Variants in MARK1 observed in about 807,000 individuals in gnomAD.
The protein encoded by MARK1 is serine/threonine-protein kinase MARK1.
MARK1 carries 40 observed loss-of-function variants against 96.3 expected under a neutral mutation model. The observed-to-expected ratio is 0.42, with a 90% CI of 0.32 to 0.54. MARK1 has a LOEUF of 0.54. Ranked by LOEUF, MARK1 falls within the 20% of genes least tolerant of loss-of-function variation. MARK1 has a pLI of 0.16. For missense variants in MARK1, 719 were observed against 984.6 expected (o/e 0.73, Z 3.61); for synonymous variants, 317 against 341.2 (o/e 0.93, Z 0.78).
intron 3 of MARK1, 48 bp downstream of exon 3, chr1:220,581,166 T>C: frequency 3.1e-6 from 2 of 637,626 alleles, no homozygotes; most frequent in Non-Finnish European, 2.4e-6. Context: ...TTATCATTAA[T>C]ATGTGATGTT....
chr1:220,662,523 CT>C lies in MARK1; in HGVS notation c.*358del, dbSNP rs1410896889. On this transcript the variant is annotated 3_prime_UTR_variant, in exon 18 of 18. Coordinates refer to ENST00000366917, the MANE Select transcript of MARK1 (RefSeq NM_018650.5). ...TGCTTTGATTTGAAAATGTTCTTCC[CT>C]GTTATTTACATTCTGGTGGGTTTTT... The C allele has an allele frequency of 9.0e-5, 16 of 177,968 alleles. No individual in the cohort carries two copies. Among genetic ancestry groups the C allele is most frequent in the Non-Finnish European group, 1.6e-4 (13 of 83,844 alleles). 11.0% of individuals were successfully genotyped at this position (177,968 alleles called of 1,614,324 possible).
intron 6 of MARK1, among the ~76,000 whole-genome samples, chr1:220,605,271 A>T (rs1347331749): frequency 6.6e-6 from 1 of 152,156 alleles, no homozygotes; most frequent in Non-Finnish European, 1.5e-5. Flanking sequence ...CTTTATACCA[A>T]AGGTATGCAT....
intron 7 of MARK1, among the ~76,000 whole-genome samples, chr1:220,616,585 C>T (rs146672064): frequency 0.015 from 2,356 of 152,244 alleles, 33 homozygotes; most frequent in Middle Eastern, 0.045. Flanking sequence ...TTGTCCCTTA[C>T]ATAGGACTCT....
rs764702338 is a variant in MARK1, at chr1:220,579,484, G to A, written c.182G>A (p.Arg61His). The change falls in exon 2 of 18, where the codon CGT (arginine) becomes CAT (histidine). Residue 61 changes from arginine (R) to histidine (H), a missense_variant. Arg to His is a conservative substitution (Grantham distance 29). Coordinates refer to ENST00000366917, the MANE Select transcript of MARK1 (RefSeq NM_018650.5). ...GAACAGCCTCACATTGGAAATTACC[G>A]TTTACAAAAAACAATAGGGAAGGGA... ...TDEQPHIGNY[R>H]LQKTIGKGNF... 70 of 1,613,856 alleles carry A rather than the reference G, an allele frequency of 4.3e-5. No homozygotes were observed. Among genetic ancestry groups the A allele is most frequent in the Non-Finnish European group, 5.4e-5 (64 of 1,179,954 alleles).
chr1:220,589,915 T>C (rs1664872664), intron 3 of MARK1, among the ~76,000 whole-genome samples: 1 of 152,214 alleles, frequency 6.6e-6, no homozygotes. Flanking sequence ...ATAATTAACT[T>C]TTTAAAGAAT....
intron 1 of MARK1, among the ~76,000 whole-genome samples, chr1:220,565,118 T>G (rs948291220): frequency 1.3e-5 from 2 of 152,202 alleles, no homozygotes; most frequent in Admixed American, 1.3e-4. Flanking sequence ...TTGCAGTAAA[T>G]TTTTCATTAA....
intron 5 of MARK1, among the ~76,000 whole-genome samples, chr1:220,601,289 T>C (rs571341914): frequency 6.7e-6 from 1 of 148,602 alleles, no homozygotes; most frequent in Non-Finnish European, 1.5e-5. Context: ...ACAGATTGAA[T>C]ATTTTAGTCT....
In MARK1 at chr1:220,600,962, G is replaced by A. The variant is rs941219278; in HGVS notation, c.424+1099G>A. Among the ~76,000 whole-genome samples the A allele has an allele frequency of 7.3e-5, 11 of 150,834 alleles. No individual in the cohort carries two copies. In the South Asian group the frequency reaches 1.5e-3, roughly 20 times the overall value. On this transcript the variant is annotated intron_variant, in intron 5 of 17. Coordinates refer to ENST00000366917, the MANE Select transcript of MARK1 (RefSeq NM_018650.5). Reference sequence around the variant, plus strand: ...GGCTGGAGTGCAGTGGCACGATCTCGGTTCACTGCAAGCTCCGCCTCCCAA... The same window carrying A: ...GGCTGGAGTGCAGTGGCACGATCTCAGTTCACTGCAAGCTCCGCCTCCCAA...
chr1:220,587,197 T>C (rs1214662743), intron 3 of MARK1, among the ~76,000 whole-genome samples: 1 of 152,186 alleles, frequency 6.6e-6, no homozygotes, highest in Non-Finnish European at 1.5e-5. Flanking sequence ...CTTTCTGTAA[T>C]CAGATTTTTT....
chr1:220,554,289 A>G (rs1330872397), intron 1 of MARK1, among the ~76,000 whole-genome samples: 2 of 152,136 alleles, frequency 1.3e-5, no homozygotes, highest in African/African-American at 4.8e-5. Flanking sequence ...GATTTCCTAT[A>G]GAAGGAAAGG....
intron 6 of MARK1, among the ~76,000 whole-genome samples, chr1:220,609,638 T>G (rs1256204900): frequency 6.6e-6 from 1 of 152,234 alleles, no homozygotes; most frequent in African/African-American, 2.4e-5. Flanking sequence ...TGATGCAGTT[T>G]CTTCATAGCA....
At chr1:220,625,929 G>T in intron 9 of MARK1, 1 of 539,486 alleles carries the variant, frequency 1.9e-6, no homozygotes, top group South Asian at 1.4e-5. Context: ...CTGAGGAGAT[G>T]ACCAAGTACC....
intron 4 of MARK1, among the ~76,000 whole-genome samples, chr1:220,598,656 A>G (rs967481440): frequency 2.0e-5 from 3 of 151,874 alleles, no homozygotes; most frequent in Non-Finnish European, 4.4e-5. Context: ...TAATGCATAC[A>G]ATTTTTTTTA....
At chr1:220,586,028 G>T (rs990833345) in intron 3 of MARK1, among the ~76,000 whole-genome samples, 1 of 93,242 alleles carries the variant, frequency 1.1e-5, no homozygotes, top group Non-Finnish European at 2.6e-5. Flanking sequence ...CGTGCGCAGA[G>T]AGAGAGAGTT....
chr1:220,594,835 A>G (rs914426752), intron 3 of MARK1, among the ~76,000 whole-genome samples: 7 of 152,336 alleles, frequency 4.6e-5, no homozygotes, highest in African/African-American at 1.7e-4. Context: ...TGGTGACAAT[A>G]AAAAGATCAA....
At chr1:220,627,094 AGCGACTGTTT>A (rs1319435274) in intron 9 of MARK1, 3 of 521,070 alleles carry the variant, frequency 5.8e-6, no homozygotes, top group Non-Finnish European at 1.2e-5. Flanking sequence ...GAAGATAAAC[AGCGACTGTTT>A]GAGAACCTGA....
At chr1:220,556,365 G>A (rs184341886) in intron 1 of MARK1, among the ~76,000 whole-genome samples, 110 of 151,114 alleles carry the variant, frequency 7.3e-4, no homozygotes, top group African/African-American at 2.6e-3. Flanking sequence ...TATATGTCGA[G>A]TAGAAACCCC....
chr1:220,653,513 A>G (rs1255265643), intron 16 of MARK1, among the ~76,000 whole-genome samples, 161 bp downstream of exon 16: 2 of 152,182 alleles, frequency 1.3e-5, no homozygotes, highest in Admixed American at 6.5e-5. Context: ...AGGAAGACAT[A>G]AAGTATTTTT....
intron 13 of MARK1, among the ~76,000 whole-genome samples, chr1:220,637,116 G>A (rs2103019424): frequency 6.6e-6 from 1 of 152,240 alleles, no homozygotes; most frequent in Admixed American, 6.5e-5. Flanking sequence ...ACTACACGGT[G>A]ACCATTTGAA....
Sources: allele counts gnomAD v4.1 joint callset (sites outside exome capture counted in the v4.1 genomes callset), GRCh38; gene constraint gnomAD v4.1.1; transcripts MANE v1.5; gene names NCBI Gene and HGNC (gene_info 2026-07-23, HGNC 2026-07-21).